NCF2: variants seen among roughly 807,000 people sequenced by gnomAD.
The protein encoded by NCF2 is neutrophil cytosol factor 2.
In NCF2, 45 loss-of-function variants were observed where a neutral mutation model predicts 70.9. That is an observed-to-expected ratio of 0.63 (90% confidence interval 0.50 to 0.81). The LOEUF (loss-of-function observed/expected upper bound fraction) is 0.81, where lower values mean the gene tolerates loss of function less well. NCF2 is among the 40% of genes least tolerant of loss of function. NCF2 has a pLI of 0.00. For synonymous variants in NCF2, 203 were observed against 233.6 expected (o/e 0.87, Z 1.19); for missense variants, 522 against 631.6 (o/e 0.83, Z 1.86).
At chr1:183,560,624 T>G (rs1439185683) in intron 13 of NCF2, among the ~76,000 whole-genome samples, 1 of 152,132 alleles carries the variant, frequency 6.6e-6, no homozygotes, top group East Asian at 1.9e-4. Context: ...GCATGCACAG[T>G]TCACAATAGG....
At chr1:183,583,429 C>G (rs1425289258) in intron 2 of NCF2, among the ~76,000 whole-genome samples, 1 of 152,232 alleles carries the variant, frequency 6.6e-6, no homozygotes, top group Admixed American at 6.5e-5. Context: ...AAAACTACCT[C>G]TTACAGCAGT....
intron 9 of NCF2, 62 bp from the exon 10 acceptor site, chr1:183,565,841 G>T: frequency 6.6e-7 from 1 of 1,513,870 alleles, no homozygotes; most frequent in Non-Finnish European, 9.2e-7. Flanking sequence ...AGGGGTGGAT[G>T]TGGGGAAACA....
intron 5 of NCF2, among the ~76,000 whole-genome samples, chr1:183,572,846 G>A (rs1672628230): frequency 1.3e-5 from 2 of 152,126 alleles, no homozygotes; most frequent in African/African-American, 4.8e-5. Flanking sequence ...TTACAGGCAT[G>A]AGCTACCCTG....
intron 8 of NCF2, 107 bp downstream of exon 8, chr1:183,567,097 A>C: frequency 6.2e-7 from 1 of 1,607,096 alleles, no homozygotes; most frequent in Middle Eastern, 1.7e-4. Context: ...GAACAGACAA[A>C]AGAACTTGGC....
At chr1:183,568,788 A>G (rs1672419534) in intron 7 of NCF2, among the ~76,000 whole-genome samples, 2 of 151,590 alleles carry the variant, frequency 1.3e-5, no homozygotes, top group Admixed American at 6.6e-5. Flanking sequence ...CAGGGTAGCT[A>G]TGTTCCACAG....
At chr1:183,563,634 C>G (rs763175896) in intron 11 of NCF2, 49 bp from the exon 12 acceptor site, 27 of 1,609,542 alleles carry the variant, frequency 1.7e-5, no homozygotes, top group Middle Eastern at 4.4e-4. Context: ...GAGGCTTTCT[C>G]TCAACATCCT....
chr1:183,599,449 T>TC, the NCF2 span, among the ~76,000 whole-genome samples: 2,514 of 127,960 alleles, frequency 0.02, 51 homozygotes, highest in Middle Eastern at 0.037. Context: ...TTTCTTTCTT[T>TC]CTTTCTTTCT....
intron 7 of NCF2, among the ~76,000 whole-genome samples, chr1:183,568,673 G>A (rs957902700): frequency 2.0e-5 from 3 of 150,250 alleles, no homozygotes; most frequent in African/African-American, 4.9e-5. Context: ...GAAAAAGGAC[G>A]TCATTCTAGA....
Position 183,577,588 on chromosome 1 carries a change from G to C in NCF2, c.366+11C>G. On this transcript the variant is annotated intron_variant, in intron 3 of 14. Transcript: ENST00000367535. Reference sequence around the variant, plus strand: ...TCCCCTCCTGCCCAGGCCAGGCCCTGTTCTCCTTACCTCACAGGCAAACAG... The same window carrying C: ...TCCCCTCCTGCCCAGGCCAGGCCCTCTTCTCCTTACCTCACAGGCAAACAG... 1 of 1,590,776 alleles carries C rather than the reference G, an allele frequency of 6.3e-7. No individual in the cohort carries two copies. The highest frequency in any genetic ancestry group is 1.1e-5 in the South Asian group (1 of 90,634).
chr1:183,586,621 G>A lies in NCF2; in HGVS notation c.257+274C>T, dbSNP rs60708827. Among the ~76,000 whole-genome samples, 452 of 152,202 alleles carry A rather than the reference G, an allele frequency of 3.0e-3. 1 individual carries two copies. Among genetic ancestry groups the A allele is most frequent in the African/African-American group, 0.01 (436 of 41,528 alleles). On this transcript the variant is annotated intron_variant, in intron 2 of 14. Transcript: ENST00000367535. ...ACCCCATCAGGGACACTGGTGGGGT[G>A]TCACACCAGCTGAGTATCAGGCCCA...
chr1:183,561,779 CTTTTTTTTTTTTTTTTTT>C (rs57218247), intron 13 of NCF2, among the ~76,000 whole-genome samples: 1,555 of 65,108 alleles, frequency 0.024, 46 homozygotes, highest in African/African-American at 0.11. Flanking sequence ...TACCAGGCCT[CTTTTTTTTTTTTTTTTTT>C]TTTTTTTTTT....
At chr1:183,596,241 G>A in the NCF2 span, among the ~76,000 whole-genome samples, 1 of 149,188 alleles carries the variant, frequency 6.7e-6, no homozygotes, top group East Asian at 1.9e-4. Flanking sequence ...TAATTTGCTT[G>A]GCTAAATATA....
the NCF2 span, among the ~76,000 whole-genome samples, chr1:183,599,696 C>A: frequency 1.3e-5 from 2 of 151,708 alleles, no homozygotes; most frequent in African/African-American, 2.4e-5. Flanking sequence ...GGATTACAGG[C>A]GAGCACCACC....
chr1:183,568,501 A>T (rs772105102), intron 7 of NCF2, among the ~76,000 whole-genome samples: 1 of 151,892 alleles, frequency 6.6e-6, no homozygotes, highest in East Asian at 1.9e-4. Context: ...GGGTGGGAGG[A>T]CCAGGCTTGC....
upstream of NCF2, among the ~76,000 whole-genome samples, chr1:183,594,094 G>A (rs186096225): frequency 1.3e-5 from 2 of 152,322 alleles, no homozygotes; most frequent in East Asian, 3.9e-4. Context: ...GCTTAGTTAT[G>A]CTGATGAGAT....
intron 7 of NCF2, 91 bp downstream of exon 7, chr1:183,569,051 G>T: frequency 8.0e-7 from 1 of 1,254,472 alleles, no homozygotes; most frequent in Non-Finnish European, 1.2e-6. Flanking sequence ...TTTAGACCCT[G>T]ACCCCACCTT....
chr1:183,600,818 G>A, the NCF2 span, among the ~76,000 whole-genome samples: 1 of 152,038 alleles, frequency 6.6e-6, no homozygotes, highest in Non-Finnish European at 1.5e-5. Context: ...CAGCACTAGG[G>A]TTGGGCTTAG....
chr1:183,583,501 T>G (rs1219949632), intron 2 of NCF2, among the ~76,000 whole-genome samples: 2 of 152,262 alleles, frequency 1.3e-5, no homozygotes, highest in East Asian at 3.8e-4. Context: ...CTTTTTAATT[T>G]ATAAGTTCCT....
chr1:183,584,385 A>ATT (rs749870624), intron 2 of NCF2, among the ~76,000 whole-genome samples: 2 of 152,244 alleles, frequency 1.3e-5, no homozygotes, highest in South Asian at 2.1e-4. Context: ...TTAGTGCCTC[A>ATT]TTTGTATAAT....
Sources: gnomAD v4.1 joint callset for allele counts (sites outside exome capture counted in the v4.1 genomes callset) on GRCh38, gnomAD v4.1.1 for gene constraint, MANE v1.5 for transcripts, NCBI Gene and HGNC (gene_info 2026-07-23, HGNC 2026-07-21) for gene names.